SYNCRIP: variants seen among roughly 807,000 people sequenced by gnomAD.
SYNCRIP encodes the protein synaptotagmin binding cytoplasmic RNA interacting protein.
SYNCRIP carries 9 observed loss-of-function variants against 68.9 expected under a neutral mutation model. The ratio of observed to expected loss-of-function variants is 0.13; its 90% CI spans 0.08 to 0.23. SYNCRIP has a LOEUF of 0.23. Ranked by LOEUF, SYNCRIP falls within the 10% of genes least tolerant of loss-of-function variation. The pLI is 1.00. For missense variants in SYNCRIP, 414 were observed against 770.6 expected (o/e 0.54, Z 5.48); for synonymous variants, 258 against 254.0 (o/e 1.02, Z -0.15).
At chr6:85,613,310 ACATCT>A (rs1329032521), downstream of SYNCRIP, among the ~76,000 whole-genome samples, 1 of 152,236 alleles carries the variant, frequency 6.6e-6, no homozygotes, top group Non-Finnish European at 1.5e-5. Context: ...CTGAAAGCAA[ACATCT>A]CAGACTTGTT....
chr6:85,629,609 G>A (rs1023192801), intron 6 of SYNCRIP, among the ~76,000 whole-genome samples: 1 of 151,616 alleles, frequency 6.6e-6, no homozygotes, highest in South Asian at 2.1e-4. Flanking sequence ...GGATCACGAG[G>A]TCAAGAATTT....
chr6:85,620,548 G>A (rs901384269), intron 8 of SYNCRIP, among the ~76,000 whole-genome samples: 1 of 152,174 alleles, frequency 6.6e-6, no homozygotes, highest in African/African-American at 2.4e-5. Flanking sequence ...TTTTAGGGCA[G>A]TGAAACTATT....
chr6:85,628,125 A>C (rs576252822), intron 6 of SYNCRIP, among the ~76,000 whole-genome samples: 1 of 151,932 alleles, frequency 6.6e-6, no homozygotes, highest in Non-Finnish European at 1.5e-5. Flanking sequence ...ACGCGACTTC[A>C]GCTAACTGCA....
chr6:85,632,307 T>A (rs952245086), intron 6 of SYNCRIP, among the ~76,000 whole-genome samples: 9 of 152,156 alleles, frequency 5.9e-5, no homozygotes, highest in Admixed American at 2.0e-4. Context: ...CTATAAATAA[T>A]GCAAAGGAGG....
Position 85,640,456 on chromosome 6 carries a change from G to C in SYNCRIP, c.257C>G (p.Ser86Cys). 2 of 1,603,416 alleles carry C rather than the reference G, an allele frequency of 1.2e-6. No homozygotes were observed. The highest frequency in any genetic ancestry group is 1.7e-6 in the Non-Finnish European group (2 of 1,175,648). ...TGACATTAACATTACCTGAACATGAGAGAGATCACTGTCTTTAAACTGTTG... is the reference window on the plus strand; with the variant it reads ...TGACATTAACATTACCTGAACATGACAGAGATCACTGTCTTTAAACTGTTG... ...VLQQFKDSDL[S>C]HVQNKSAFLC... Residue 86 changes from serine to cysteine, a missense_variant, in exon 3 of 11, where the codon TCT (serine) becomes TGT (cysteine). Physicochemically the swap from Ser to Cys is moderately radical, Grantham distance 112. Coordinates refer to ENST00000369622, the MANE Select transcript of SYNCRIP (RefSeq NM_006372.5).
chr6:85,632,455 G>A (rs1807909435), intron 6 of SYNCRIP, among the ~76,000 whole-genome samples: 1 of 152,132 alleles, frequency 6.6e-6, no homozygotes, highest in South Asian at 2.1e-4. Flanking sequence ...ATGCGCCCTT[G>A]AGGAACATAC....
intron 1 of SYNCRIP, among the ~76,000 whole-genome samples, chr6:85,642,022 G>C (rs958385627): frequency 6.6e-6 from 1 of 152,094 alleles, no homozygotes; most frequent in Admixed American, 6.5e-5. Context: ...TTAGAAACAC[G>C]TGCTCTGCGC....
At chr6:85,615,889 C>G (rs1434507136) in intron 10 of SYNCRIP, among the ~76,000 whole-genome samples, 2 of 152,180 alleles carry the variant, frequency 1.3e-5, no homozygotes, top group Non-Finnish European at 2.9e-5. Context: ...ATTACAAAAG[C>G]AAAATGGCAA....
At chr6:85,612,784 ATATGCTCC>A (rs1172047685), downstream of SYNCRIP, 2 of 1,328,590 alleles carry the variant, frequency 1.5e-6, no homozygotes, top group African/African-American at 3.0e-5. Context: ...CTGCAATAGA[ATATGCTCC>A]TATACAGCCG....
intron 4 of SYNCRIP, among the ~76,000 whole-genome samples, chr6:85,638,409 A>AAAAAAAAAG (rs1808732165): frequency 7.2e-6 from 1 of 138,768 alleles, no homozygotes; most frequent in Non-Finnish European, 1.6e-5. Flanking sequence ...AAAAAAAAAA[A>AAAAAAAAAG]GGTACACTCC....
At chr6:85,642,621 G>A (rs998565752) in intron 1 of SYNCRIP, among the ~76,000 whole-genome samples, 176 bp downstream of exon 1, 1 of 152,236 alleles carries the variant, frequency 6.6e-6, no homozygotes, top group Non-Finnish European at 1.5e-5. Flanking sequence ...ACATGGAAAG[G>A]AGGAAGTGGC....
At chr6:85,643,119 G>A (rs1809411983), upstream of SYNCRIP, 2 of 151,422 alleles carry the variant, frequency 1.3e-5, no homozygotes, top group Non-Finnish European at 2.9e-5. Context: ...ACTAGCCTCT[G>A]TCCGCCTTCT....
At chr6:85,624,829 T>C (rs770876759) in intron 6 of SYNCRIP, among the ~76,000 whole-genome samples, 2 of 152,138 alleles carry the variant, frequency 1.3e-5, no homozygotes, top group African/African-American at 2.4e-5. Context: ...TGCAAAAGTA[T>C]CCAAGTAATC....
chr6:85,618,740 G>A, intron 10 of SYNCRIP, 78 bp downstream of exon 10: 4 of 1,279,500 alleles, frequency 3.1e-6, no homozygotes, highest in Non-Finnish European at 4.4e-6. Flanking sequence ...TAACAAGTCT[G>A]ATCAACACCT....
At chr6:85,616,845 C>T (rs1348274922) in intron 10 of SYNCRIP, among the ~76,000 whole-genome samples, 1 of 152,056 alleles carries the variant, frequency 6.6e-6, no homozygotes, top group Non-Finnish European at 1.5e-5. Flanking sequence ...TCCAGGGGGA[C>T]ATTTTAGACG....
At position 85,636,885 on chromosome 6, in the gene SYNCRIP, A is replaced by G; in HGVS notation, c.666+82T>C. The G allele has an allele frequency of 3.7e-6, 5 of 1,362,282 alleles. No individual in the cohort carries two copies. In the Middle Eastern group the frequency reaches 9.4e-4, roughly 257 times the overall value. The allele number at this position is 1,362,282 out of a possible 1,614,324, so 84.4% of individuals were successfully genotyped here. A position where few individuals can be genotyped will look rare whatever the true frequency, so the allele number is the denominator to read the frequency against. Reference sequence around the variant, plus strand: ...ATCAGTACTTCAAAAAATGTTTGGTAAACTCTTAGGCACACTAAGAAAAAA... The same window carrying G: ...ATCAGTACTTCAAAAAATGTTTGGTGAACTCTTAGGCACACTAAGAAAAAA... On this transcript the variant is annotated intron_variant, in intron 6 of 10. Transcript: ENST00000369622.
In SYNCRIP at chr6:85,619,433, T is replaced by C. The variant is rs373687515; in HGVS notation, c.1009-16A>G. The C allele has an allele frequency of 3.1e-5, 50 of 1,607,278 alleles. No individual in the cohort carries two copies. Among genetic ancestry groups the C allele is most frequent in the South Asian group, 1.7e-4 (15 of 89,814 alleles). The stretch of plus-strand genomic sequence containing the variant: ...GCACTTTTACCTAGGGGGAAGAAAA[T>C]ACCCCCCTGTATTATTTCCAAAGAG... On this transcript the variant is annotated splice_polypyrimidine_tract_variant and intron_variant, in intron 8 of 10. Coordinates refer to ENST00000369622, the MANE Select transcript of SYNCRIP (RefSeq NM_006372.5).
chr6:85,634,026 CAGAA>C (rs1808142987), intron 6 of SYNCRIP, among the ~76,000 whole-genome samples: 1 of 152,022 alleles, frequency 6.6e-6, no homozygotes, highest in African/African-American at 2.4e-5. Flanking sequence ...CAGAGAAACC[CAGAA>C]AGAAATGTAG....
chr6:85,625,362 A>T (rs945841202), intron 6 of SYNCRIP, among the ~76,000 whole-genome samples: 33 of 150,802 alleles, frequency 2.2e-4, no homozygotes, highest in African/African-American at 8.0e-4. Context: ...TTTTTATATC[A>T]ACTCTTAAAC....
Sources: allele counts gnomAD v4.1 joint callset (sites outside exome capture counted in the v4.1 genomes callset), GRCh38; gene constraint gnomAD v4.1.1; transcripts MANE v1.5; gene names NCBI Gene and HGNC (gene_info 2026-07-23, HGNC 2026-07-21).